Variants in GRM7 observed in about 807,000 individuals in gnomAD.
The protein encoded by GRM7 is metabotropic glutamate receptor 7.
Under a neutral mutation model 84.5 loss-of-function variants are expected in GRM7, and 35 were observed. The ratio of observed to expected loss-of-function variants is 0.41; its 90% confidence interval spans 0.32 to 0.55. The LOEUF is 0.55. GRM7 is among the 20% of genes least tolerant of loss of function. The probability of loss-of-function intolerance (pLI) is 0.19; values close to 1 mark genes in which losing one functional copy is unlikely to be tolerated. For synonymous variants in GRM7, 487 were observed against 455.1 expected (o/e 1.07, Z -0.89); for missense variants, 1,003 against 1,194.6 (o/e 0.84, Z 2.36).
At chr3:7,318,914 C>T (rs1023261107) in intron 4 of GRM7, among the ~76,000 whole-genome samples, 6 of 152,056 alleles carry the variant, frequency 3.9e-5, no homozygotes, top group Middle Eastern at 6.8e-3. Context: ...CTGCTTTTTT[C>T]TCTGAATTCA....
At chr3:7,427,640 C>G (rs1008199822) in intron 5 of GRM7, among the ~76,000 whole-genome samples, 2 of 152,200 alleles carry the variant, frequency 1.3e-5, no homozygotes, top group African/African-American at 4.8e-5. Flanking sequence ...GCATTGGTCA[C>G]TCACTTGAGC....
intron 1 of GRM7, among the ~76,000 whole-genome samples, chr3:7,066,416 A>G (rs1177380891): frequency 6.6e-6 from 1 of 151,964 alleles, no homozygotes; most frequent in East Asian, 1.9e-4. Flanking sequence ...ATAAACTAGA[A>G]AACCTAGAGG....
At chr3:7,477,561 T>C (rs1698971835) in intron 7 of GRM7, among the ~76,000 whole-genome samples, 1 of 152,200 alleles carries the variant, frequency 6.6e-6, no homozygotes, top group Non-Finnish European at 1.5e-5. Context: ...GGTGACTTCT[T>C]CAAGAGTGAA....
intron 5 of GRM7, among the ~76,000 whole-genome samples, chr3:7,431,283 T>G (rs995307876): frequency 2.0e-5 from 3 of 152,044 alleles, no homozygotes; most frequent in African/African-American, 7.3e-5. Context: ...TCTCAAAAAT[T>G]TTTGTCTGAG....
At chr3:6,912,135 A>G (rs1157179360) in intron 1 of GRM7, among the ~76,000 whole-genome samples, 4 of 152,182 alleles carry the variant, frequency 2.6e-5, no homozygotes, top group African/African-American at 9.6e-5. Context: ...AATATCACCT[A>G]TGCTCCCACA....
At chr3:7,310,548 T>C (rs548270030) in intron 4 of GRM7, among the ~76,000 whole-genome samples, 62 of 152,182 alleles carry the variant, frequency 4.1e-4, no homozygotes, top group African/African-American at 1.4e-3. Context: ...TCTAGGTGAA[T>C]GGGGAAAAAA....
intron 1 of GRM7, among the ~76,000 whole-genome samples, chr3:7,038,175 C>T (rs763189887): frequency 5.3e-5 from 8 of 152,148 alleles, no homozygotes; most frequent in Non-Finnish European, 8.8e-5. Flanking sequence ...AGTACCCTTA[C>T]AACATGATTG....
chr3:7,541,890 A>G (rs1692902365), intron 7 of GRM7, among the ~76,000 whole-genome samples: 1 of 152,196 alleles, frequency 6.6e-6, no homozygotes, highest in Non-Finnish European at 1.5e-5. Context: ...AATCAAGAGC[A>G]TTGCCATACT....
chr3:7,215,668 AAAATAAAT>A (rs71063288), intron 2 of GRM7, among the ~76,000 whole-genome samples: 8 of 150,296 alleles, frequency 5.3e-5, no homozygotes, highest in Admixed American at 2.0e-4. Flanking sequence ...CTGTCTCAAA[AAAATAAAT>A]AAATAAATAA....
At chr3:7,362,666 G>A (rs984076544) in intron 4 of GRM7, among the ~76,000 whole-genome samples, 2 of 151,968 alleles carry the variant, frequency 1.3e-5, no homozygotes, top group South Asian at 2.1e-4. Flanking sequence ...TACCTTATGC[G>A]TGCTTCTTTT....
chr3:7,279,919 G>C (rs906558048), intron 2 of GRM7, among the ~76,000 whole-genome samples: 1 of 152,074 alleles, frequency 6.6e-6, no homozygotes, highest in African/African-American at 2.4e-5. Flanking sequence ...GCTATCTCCT[G>C]GTTTTGAAAA....
chr3:7,257,089 A>C (rs1698237607), intron 2 of GRM7, among the ~76,000 whole-genome samples: 1 of 151,940 alleles, frequency 6.6e-6, no homozygotes, highest in Admixed American at 6.6e-5. Flanking sequence ...ACACTCACTA[A>C]AATAGGTCAA....
chr3:7,223,514 G>T (rs1696878955), intron 2 of GRM7, among the ~76,000 whole-genome samples: 1 of 49,866 alleles, frequency 2.0e-5, no homozygotes. Flanking sequence ...TTTGCCTAAA[G>T]AGTTCTTTAT....
chr3:7,440,887 A>C (rs1231393302), intron 5 of GRM7, among the ~76,000 whole-genome samples: 1 of 152,164 alleles, frequency 6.6e-6, no homozygotes, highest in Non-Finnish European at 1.5e-5. Flanking sequence ...TTCTTTATCC[A>C]GTCTACCATT....
At chr3:7,008,690 A>C (rs1695262055) in intron 1 of GRM7, among the ~76,000 whole-genome samples, 1 of 152,192 alleles carries the variant, frequency 6.6e-6, no homozygotes, top group African/African-American at 2.4e-5. Context: ...ATGAAGTACT[A>C]GTTGTTTTTA....
chr3:7,456,173 T>G (rs2124898600), intron 6 of GRM7, among the ~76,000 whole-genome samples: 1 of 152,196 alleles, frequency 6.6e-6, no homozygotes, highest in Admixed American at 6.5e-5. Flanking sequence ...TTTATTCTGG[T>G]TCATGGATAT....
chr3:6,878,412 T>TGTGTGTGTAG (rs1286244562), intron 1 of GRM7, among the ~76,000 whole-genome samples: 3 of 151,576 alleles, frequency 2.0e-5, no homozygotes, highest in Non-Finnish European at 4.4e-5. Context: ...TGTGTGTGTG[T>TGTGTGTGTAG]GTGTAGTATT....
intron 2 of GRM7, among the ~76,000 whole-genome samples, chr3:7,229,757 A>ATTTTTTTTT (rs1302605868): frequency 3.7e-5 from 1 of 26,874 alleles, no homozygotes; most frequent in African/African-American, 1.4e-4. Context: ...ATATATATAT[A>ATTTTTTTTT]TATTTTTTTT....
chr3:7,737,409 A>G (rs1051998407), intron 9 of GRM7, among the ~76,000 whole-genome samples: 4 of 152,214 alleles, frequency 2.6e-5, no homozygotes, highest in Non-Finnish European at 5.9e-5. Context: ...GTAACTTTAT[A>G]AGAGAAAAAC....
Sources: gnomAD v4.1 joint callset for allele counts (sites outside exome capture counted in the v4.1 genomes callset) on GRCh38, gnomAD v4.1.1 for gene constraint, MANE v1.5 for transcripts, NCBI Gene and HGNC (gene_info 2026-07-23, HGNC 2026-07-21) for gene names.